Variants in NELL1 observed in about 807,000 individuals in gnomAD.
NELL1 encodes neural EGFL like 1.
NELL1 carries 76 observed loss-of-function variants against 107.4 expected under a neutral mutation model. That is an observed-to-expected ratio of 0.71 (90% CI 0.59 to 0.86). The LOEUF (loss-of-function observed/expected upper bound fraction) is 0.86. Ranked by LOEUF, NELL1 falls within the 40% of genes least tolerant of loss-of-function variation. The pLI is 0.00. For synonymous variants in NELL1, 353 were observed against 341.2 expected, an observed-to-expected ratio of 1.03 and a Z score of -0.38; for missense variants, 1,024 against 1,005.5, an observed-to-expected ratio of 1.02 and a Z score of -0.25.
intron 14 of NELL1, among the ~76,000 whole-genome samples, chr11:21,361,665 A>C (rs1362224979): frequency 1.3e-5 from 2 of 152,084 alleles, no homozygotes; most frequent in African/African-American, 2.4e-5. Flanking sequence ...CATTTCTTGG[A>C]GGCTTTGTTC....
chr11:20,826,478 C>T (rs1457139997), intron 3 of NELL1, among the ~76,000 whole-genome samples: 2 of 151,282 alleles, frequency 1.3e-5, no homozygotes, highest in African/African-American at 4.8e-5. Context: ...TGGCCGTGTG[C>T]TTCACTAAGA....
intron 14 of NELL1, among the ~76,000 whole-genome samples, chr11:21,249,392 A>C (rs944377543): frequency 4.6e-5 from 7 of 152,076 alleles, no homozygotes; most frequent in Non-Finnish European, 1.0e-4. Flanking sequence ...TCTTGAAAGA[A>C]GGTTTTTTTT....
intron 15 of NELL1, among the ~76,000 whole-genome samples, chr11:21,415,652 C>T (rs149537066): frequency 4.6e-5 from 7 of 152,116 alleles, no homozygotes; most frequent in African/African-American, 1.7e-4. Context: ...TAATTGATGA[C>T]AGCTGAGTAC....
At chr11:20,673,334 C>T (rs921194983) in intron 1 of NELL1, among the ~76,000 whole-genome samples, 1 of 152,190 alleles carries the variant, frequency 6.6e-6, no homozygotes, top group Non-Finnish European at 1.5e-5. Flanking sequence ...TAAGGACCTT[C>T]GTAGGTGCCC....
chr11:21,002,828 A>C (rs7108516), intron 12 of NELL1, among the ~76,000 whole-genome samples: 53,996 of 152,008 alleles, frequency 0.36, 12,868 homozygotes, highest in African/African-American at 0.68. Flanking sequence ...CTGTCTCCTG[A>C]CAATTTCACT....
chr11:21,288,939 G>A (rs1386431136), intron 14 of NELL1, among the ~76,000 whole-genome samples: 17 of 152,150 alleles, frequency 1.1e-4, no homozygotes, highest in Admixed American at 1.1e-3. Context: ...AATGGCACCT[G>A]GGTTCTAAGA....
rs147926818 is a variant in NELL1, at chr11:21,482,910, A to T, written c.1646-51464A>T. Among the ~76,000 whole-genome samples the T allele has an allele frequency of 4.8e-3, 731 of 152,196 alleles. 3 individuals carry two copies. The highest frequency in any genetic ancestry group is 0.017 in the African/African-American group (704 of 41,542). ...TGTCATAGAACATTTATATACCTGA[A>T]AATTGATGTGATGGATTTATGGGGC... On this transcript the variant is annotated intron_variant, in intron 15 of 19. Transcript: ENST00000357134.
intron 16 of NELL1, among the ~76,000 whole-genome samples, chr11:21,535,004 T>A (rs565830752): frequency 6.6e-6 from 1 of 152,310 alleles, no homozygotes; most frequent in Non-Finnish European, 1.5e-5. Context: ...TATATTAAGA[T>A]TAAACAAGAA....
At chr11:21,288,333 T>G (rs759107592) in intron 14 of NELL1, among the ~76,000 whole-genome samples, 1 of 152,216 alleles carries the variant, frequency 6.6e-6, no homozygotes, top group Non-Finnish European at 1.5e-5. Flanking sequence ...TGCCTCTGTT[T>G]CCTGAGAAAA....
chr11:20,918,429 G>A (rs1430132137), intron 6 of NELL1, among the ~76,000 whole-genome samples, 175 bp downstream of exon 6: 2 of 151,898 alleles, frequency 1.3e-5, no homozygotes, highest in Admixed American at 6.6e-5. Context: ...AAAAAAATAT[G>A]TATCATTTAT....
chr11:21,437,510 C>T (rs1006419710), intron 15 of NELL1, among the ~76,000 whole-genome samples: 3 of 152,240 alleles, frequency 2.0e-5, no homozygotes, highest in African/African-American at 7.2e-5. Context: ...CAGGCCTGCA[C>T]CACCACACCT....
At chr11:21,170,582 A>G (rs897045173) in intron 13 of NELL1, among the ~76,000 whole-genome samples, 3 of 151,626 alleles carry the variant, frequency 2.0e-5, no homozygotes, top group Non-Finnish European at 2.9e-5. Flanking sequence ...AAGCTTCCTT[A>G]CAAATACTTT....
At chr11:21,322,794 T>C (rs1484562547) in intron 14 of NELL1, among the ~76,000 whole-genome samples, 1 of 152,048 alleles carries the variant, frequency 6.6e-6, no homozygotes, top group Non-Finnish European at 1.5e-5. Context: ...AAAATATACA[T>C]ATTTATTCCT....
chr11:20,800,935 G>A (rs1857269408), intron 3 of NELL1, among the ~76,000 whole-genome samples: 1 of 152,118 alleles, frequency 6.6e-6, no homozygotes, highest in African/African-American at 2.4e-5. Context: ...GGCTTCCACA[G>A]TATCCTTCCA....
rs114983446 is a variant in NELL1 at position 21,151,619 on chromosome 11, C to T, written c.1426+37905C>T. On this transcript the variant is annotated intron_variant, in intron 13 of 19. Transcript: ENST00000357134. ...TGGAATGCCATTAGTGTTTCTGCCT[C>T]ATGTGTTTGCTTTAAAGATTAAATG... Among the ~76,000 whole-genome samples the T allele has an allele frequency of 2.2e-3, 328 of 152,294 alleles. 3 individuals carry two copies. The highest frequency in any genetic ancestry group is 5.1e-3 in the African/African-American group (213 of 41,562).
chr11:21,495,425 G>A (rs1272565990), intron 15 of NELL1, among the ~76,000 whole-genome samples: 1 of 152,024 alleles, frequency 6.6e-6, no homozygotes, highest in Non-Finnish European at 1.5e-5. Flanking sequence ...CATTAGGGTT[G>A]TTTCTACTTT....
chr11:21,430,225 G>T (rs1392524587), intron 15 of NELL1, among the ~76,000 whole-genome samples: 1 of 152,086 alleles, frequency 6.6e-6, no homozygotes, highest in Non-Finnish European at 1.5e-5. Context: ...CTAATTAAAA[G>T]CTTACTTAAA....
At chr11:20,718,319 G>A (rs1322135437) in intron 2 of NELL1, among the ~76,000 whole-genome samples, 3 of 152,114 alleles carry the variant, frequency 2.0e-5, no homozygotes, top group Non-Finnish European at 2.9e-5. Context: ...GTAGCCACAT[G>A]TGGCCAGTGG....
At chr11:20,953,982 A>G (rs1357669900) in intron 11 of NELL1, among the ~76,000 whole-genome samples, 1 of 152,146 alleles carries the variant, frequency 6.6e-6, no homozygotes, top group Non-Finnish European at 1.5e-5. Context: ...CTAGGTGCTT[A>G]AAATTTGCTG....
Sources: allele counts gnomAD v4.1 joint callset (sites outside exome capture counted in the v4.1 genomes callset), GRCh38; gene constraint gnomAD v4.1.1; transcripts MANE v1.5; gene names NCBI Gene and HGNC (gene_info 2026-07-23, HGNC 2026-07-21).